The following MAST4 variants were observed in gnomAD, a reference collection of about 807,000 sequenced individuals.
MAST4 encodes the protein microtubule-associated serine/threonine-protein kinase 4.
MAST4 carries 89 observed loss-of-function variants against 162.7 expected under a neutral mutation model. That is an observed-to-expected ratio of 0.55 (90% CI 0.46 to 0.65). MAST4 has a LOEUF of 0.65. MAST4 is among the 30% of genes least tolerant of loss of function. The pLI, the probability that MAST4 is intolerant of heterozygous loss-of-function variation, is 0.00. For missense variants in MAST4, 3,153 were observed against 3,374.0 expected (o/e 0.93, Z 1.62); for synonymous variants, 1,479 against 1,361.1 (o/e 1.09, Z -1.91).
intron 3 of MAST4, among the ~76,000 whole-genome samples, chr5:66,893,717 A>G (rs1276218399): frequency 6.6e-6 from 1 of 152,174 alleles, no homozygotes; most frequent in African/African-American, 2.4e-5. Flanking sequence ...CTGTTCAGGC[A>G]TTTCTATAGG....
At chr5:66,702,786 T>C (rs1749864397) in intron 1 of MAST4, among the ~76,000 whole-genome samples, 1 of 152,146 alleles carries the variant, frequency 6.6e-6, no homozygotes, top group African/African-American at 2.4e-5. Context: ...TGTTAAGTCT[T>C]GGCCTTTTGT....
At chr5:67,004,395 C>T (rs1340664650) in intron 4 of MAST4, among the ~76,000 whole-genome samples, 1 of 152,224 alleles carries the variant, frequency 6.6e-6, no homozygotes, top group African/African-American at 2.4e-5. Context: ...CCAATAGGCC[C>T]ATTTTTTAAA....
intron 3 of MAST4, among the ~76,000 whole-genome samples, chr5:66,817,449 C>T (rs1756786587): frequency 6.6e-6 from 1 of 152,110 alleles, no homozygotes; most frequent in African/African-American, 2.4e-5. Flanking sequence ...CAAAAGCCAG[C>T]TTTAGATAAG....
At chr5:66,940,456 T>C (rs1580949744) in intron 4 of MAST4, among the ~76,000 whole-genome samples, 1 of 152,214 alleles carries the variant, frequency 6.6e-6, no homozygotes, top group East Asian at 1.9e-4. Flanking sequence ...ACTAAGTTTG[T>C]GTAATATTCT....
chr5:66,952,630 A>G (rs1311488489), intron 4 of MAST4, among the ~76,000 whole-genome samples: 1 of 152,146 alleles, frequency 6.6e-6, no homozygotes, highest in Non-Finnish European at 1.5e-5. Context: ...TGATAATGCC[A>G]TGCATTGTAT....
intron 2 of MAST4, among the ~76,000 whole-genome samples, chr5:66,763,824 T>A (rs1753961096): frequency 6.6e-6 from 1 of 152,168 alleles, no homozygotes; most frequent in Non-Finnish European, 1.5e-5. Flanking sequence ...CTTAAGATAT[T>A]TTTTACTTCT....
At chr5:66,643,008 G>A (rs1745586555) in intron 1 of MAST4, among the ~76,000 whole-genome samples, 1 of 152,144 alleles carries the variant, frequency 6.6e-6, no homozygotes, top group African/African-American at 2.4e-5. Flanking sequence ...ATGTAAATAC[G>A]AATTTCAGAA....
At chr5:66,732,813 G>A (rs1580319640) in intron 1 of MAST4, among the ~76,000 whole-genome samples, 1 of 152,222 alleles carries the variant, frequency 6.6e-6, no homozygotes, top group Non-Finnish European at 1.5e-5. Context: ...TTGTGGAGTG[G>A]GTTGATCCGC....
chr5:67,046,177 CT>C (rs2150513210), intron 4 of MAST4, among the ~76,000 whole-genome samples: 1 of 152,160 alleles, frequency 6.6e-6, no homozygotes, highest in Non-Finnish European at 1.5e-5. Flanking sequence ...TGTAAGCGCG[CT>C]CTGTGATGTT....
At chr5:67,078,934 A>AATATATATATATATATATAT (rs1762249030) in intron 5 of MAST4, among the ~76,000 whole-genome samples, 2 of 97,808 alleles carry the variant, frequency 2.0e-5, no homozygotes, top group African/African-American at 9.3e-5. Context: ...ATATATATAT[A>AATATATATATATATATATAT]TATATATATA....
intron 3 of MAST4, among the ~76,000 whole-genome samples, chr5:66,856,151 C>T (rs2149824892): frequency 6.6e-6 from 1 of 152,220 alleles, no homozygotes; most frequent in East Asian, 1.9e-4. Context: ...CAGAGCAAGG[C>T]CCTGTTTCAA....
At chr5:66,613,220 T>G (rs907033867) in intron 1 of MAST4, among the ~76,000 whole-genome samples, 1 of 152,130 alleles carries the variant, frequency 6.6e-6, no homozygotes, top group African/African-American at 2.4e-5. Context: ...CCGGCCCAAT[T>G]AATACCATCT....
intron 3 of MAST4, among the ~76,000 whole-genome samples, chr5:66,790,612 A>G (rs1755353708): frequency 6.6e-6 from 1 of 151,990 alleles, no homozygotes; most frequent in Admixed American, 6.5e-5. Context: ...TGGCACCATC[A>G]TAGCTCACTG....
chr5:66,805,926 A>G (rs1379672943), intron 3 of MAST4, among the ~76,000 whole-genome samples: 1 of 152,138 alleles, frequency 6.6e-6, no homozygotes, highest in Non-Finnish European at 1.5e-5. Flanking sequence ...GAAGGGAGAG[A>G]CCAAGCTTCC....
chr5:66,729,330 A>T (rs1322755153), intron 1 of MAST4, among the ~76,000 whole-genome samples: 2 of 152,190 alleles, frequency 1.3e-5, no homozygotes, highest in African/African-American at 4.8e-5. Context: ...GTTAATATGA[A>T]CATTTACATT....
At chr5:66,746,241 A>T (rs1752750341) in intron 1 of MAST4, among the ~76,000 whole-genome samples, 1 of 152,162 alleles carries the variant, frequency 6.6e-6, no homozygotes, top group Admixed American at 6.5e-5. Flanking sequence ...GATCATTTGG[A>T]TTGGTTGACA....
chr5:66,862,604 A>G (rs1333575481), intron 3 of MAST4, among the ~76,000 whole-genome samples: 1 of 152,256 alleles, frequency 6.6e-6, no homozygotes, highest in Non-Finnish European at 1.5e-5. Context: ...AACAGCAGTC[A>G]AGGTAAATGT....
At chr5:66,991,327 T>C (rs781034695) in intron 4 of MAST4, among the ~76,000 whole-genome samples, 40 of 152,330 alleles carry the variant, frequency 2.6e-4, no homozygotes, top group Admixed American at 2.0e-4. Context: ...TTGCCCTTGT[T>C]TGGATACTTA....
intron 2 of MAST4, among the ~76,000 whole-genome samples, chr5:66,777,343 T>G (rs1754650813): frequency 6.6e-6 from 1 of 152,044 alleles, no homozygotes; most frequent in Non-Finnish European, 1.5e-5. Context: ...AAGTAATAAT[T>G]TATTTTGGGC....
Sources: allele counts gnomAD v4.1 joint callset (sites outside exome capture counted in the v4.1 genomes callset), GRCh38; gene constraint gnomAD v4.1.1; transcripts MANE v1.5; gene names NCBI Gene and HGNC (gene_info 2026-07-23, HGNC 2026-07-21).